Variants in GRIK3 observed in about 807,000 individuals in gnomAD.
The protein encoded by GRIK3 is glutamate receptor ionotropic, kainate 3.
A neutral mutation model predicts 102.5 loss-of-function variants in GRIK3; 29 were observed. The observed-to-expected ratio is 0.28, with a 90% CI of 0.21 to 0.39. The LOEUF is 0.39. GRIK3 is among the 10% of genes least tolerant of loss of function. The pLI is 1.00. For missense variants in GRIK3, 908 were observed against 1,252.4 expected, an observed-to-expected ratio of 0.73 and a Z score of 4.15; for synonymous variants, 511 against 504.9, an observed-to-expected ratio of 1.01 and a Z score of -0.16.
rs1490264019 is a variant in GRIK3 at position 36,850,422 on chromosome 1, A to T, written c.1215T>A (p.Val405=). The T allele has an allele frequency of 6.3e-7, 1 of 1,599,232 alleles. No individual in the cohort carries two copies. Among genetic ancestry groups the T allele is most frequent in the Non-Finnish European group, 8.6e-7 (1 of 1,166,672 alleles). Residue 405 remains valine (V), a splice_region_variant and synonymous_variant, in exon 9 of 16, where the codon GTT becomes GTA. Coordinates refer to ENST00000373091, the MANE Select transcript of GRIK3 (RefSeq NM_000831.4). This position sits in a 1 kb window ranked among gnomAD's most constrained non-coding sequence, Gnocchi z 4.0. Reference sequence around the variant, plus strand: ...GCCCGTCGGCAGGACTCCACACCCCAACCTGGATGGACACAGACAGAAAAC... The same window carrying T: ...GCCCGTCGGCAGGACTCCACACCCCTACCTGGATGGACACAGACAGAAAAC... ...ISLKEDGLEK[V]GVWSPADGLN... is the part of the protein sequence containing the mutation.
intron 9 of GRIK3, among the ~76,000 whole-genome samples, chr1:36,844,354 T>G (rs1212035188): frequency 2.0e-5 from 3 of 152,202 alleles, no homozygotes; most frequent in Admixed American, 6.5e-5. Flanking sequence ...AGAGTCCACG[T>G]GGGGCCTGGG....
At chr1:36,856,771 C>T (rs890531115) in intron 7 of GRIK3, among the ~76,000 whole-genome samples, 1 of 152,134 alleles carries the variant, frequency 6.6e-6, no homozygotes, top group African/African-American at 2.4e-5. Flanking sequence ...CTATGGTGGG[C>T]AGTGGTGAAT....
Position 36,806,103 on chromosome 1 carries a change from C to T in GRIK3, c.2314+1G>A. ...CCTCCCACAGGCAGCCCCTCGCTCA[C>T]CCATGGGCGTGCCGATGCCGTAGCC... On this transcript the variant is annotated splice_donor_variant, in intron 14 of 15. Transcript: ENST00000373091. LOFTEE classifies it high-confidence loss of function. This position sits in a 1 kb window ranked among gnomAD's most constrained non-coding sequence, Gnocchi z 4.0. 6.2e-7 allele frequency: 1 copy of T among 1,611,064 alleles called. No individual in the cohort carries two copies. Among genetic ancestry groups the T allele is most frequent in the Non-Finnish European group, 8.5e-7 (1 of 1,177,440 alleles).
intron 7 of GRIK3, among the ~76,000 whole-genome samples, chr1:36,857,095 G>T (rs530721516): frequency 1.3e-5 from 2 of 152,210 alleles, no homozygotes; most frequent in African/African-American, 4.8e-5. Context: ...GGACACTGAG[G>T]CACAGAAAGC....
chr1:36,814,251 T>C (rs1263141827), intron 13 of GRIK3, among the ~76,000 whole-genome samples: 1 of 152,108 alleles, frequency 6.6e-6, no homozygotes, highest in Non-Finnish European at 1.5e-5. Context: ...TCAGCGGCAA[T>C]GAGCCTGCAC....
chr1:36,960,807 C>T (rs930316012), intron 1 of GRIK3, among the ~76,000 whole-genome samples: 2 of 152,200 alleles, frequency 1.3e-5, no homozygotes, highest in African/African-American at 4.8e-5. Flanking sequence ...ATCCCTCCTT[C>T]CCCCACCCTG....
chr1:36,824,667 A>C (rs1387196657), intron 11 of GRIK3, among the ~76,000 whole-genome samples: 1 of 152,176 alleles, frequency 6.6e-6, no homozygotes, highest in Admixed American at 6.5e-5. Context: ...ATTTAGAGAA[A>C]AAAAAGGACC....
intron 1 of GRIK3, among the ~76,000 whole-genome samples, chr1:36,926,417 G>A (rs1641528499): frequency 6.7e-6 from 1 of 150,196 alleles, no homozygotes; most frequent in Admixed American, 6.6e-5. Context: ...TTGAGATGGA[G>A]TCTCACCCTG....
intron 1 of GRIK3, among the ~76,000 whole-genome samples, chr1:36,922,069 TG>T (rs951756741): frequency 1.3e-5 from 2 of 151,670 alleles, no homozygotes; most frequent in South Asian, 2.1e-4. Context: ...GGCTGAGAGG[TG>T]GGTGTTGGGC....
At chr1:36,807,868 C>T (rs1642517321) in intron 13 of GRIK3, among the ~76,000 whole-genome samples, 1 of 152,190 alleles carries the variant, frequency 6.6e-6, no homozygotes, top group Non-Finnish European at 1.5e-5. Context: ...AATTTACCTG[C>T]CCCAAAGCCA....
chr1:36,836,508 T>C (rs1245554424), intron 10 of GRIK3, among the ~76,000 whole-genome samples: 1 of 152,250 alleles, frequency 6.6e-6, no homozygotes, highest in Non-Finnish European at 1.5e-5. Flanking sequence ...TTGGCACTTC[T>C]AGCTGTGCCA....
chr1:36,906,440 G>C (rs965705691), intron 1 of GRIK3, among the ~76,000 whole-genome samples: 1 of 152,164 alleles, frequency 6.6e-6, no homozygotes, highest in African/African-American at 2.4e-5. Flanking sequence ...ACATGGCAAG[G>C]ACTTAATACA....
rs973423479 is a variant in GRIK3 at position 36,799,952 on chromosome 1, T to G, written c.*1899A>C. The G allele has an allele frequency of 6.6e-6, 1 of 152,152 alleles. No homozygotes were observed. The highest frequency in any genetic ancestry group is 1.5e-5 in the Non-Finnish European group (1 of 68,038). The allele number at this position is 152,152 out of a possible 1,614,324, so 9.4% of individuals were successfully genotyped here. On this transcript the variant is annotated 3_prime_UTR_variant, in exon 16 of 16. Coordinates refer to ENST00000373091, the MANE Select transcript of GRIK3 (RefSeq NM_000831.4). ...ACCCTGAAGCTTATGACAGCATGGC[T>G]TTTCCTAACATTACATGCATGGGGC...
At chr1:36,950,668 A>G (rs3767087) in intron 1 of GRIK3, among the ~76,000 whole-genome samples, 8,880 of 152,328 alleles carry the variant, frequency 0.058, 311 homozygotes, top group South Asian at 0.16. Context: ...ATCCTGCTGC[A>G]CAACTTGCTT....
chr1:36,893,289 A>G (rs1641137361), intron 1 of GRIK3, among the ~76,000 whole-genome samples: 1 of 152,226 alleles, frequency 6.6e-6, no homozygotes, highest in Non-Finnish European at 1.5e-5. Context: ...ATGTGGGAGC[A>G]TAAAGATGGA....
intron 1 of GRIK3, among the ~76,000 whole-genome samples, chr1:36,893,994 T>G (rs1641146301): frequency 6.6e-6 from 1 of 152,230 alleles, no homozygotes; most frequent in South Asian, 2.1e-4. Flanking sequence ...CAATTAAACC[T>G]TTATTATTTT....
chr1:36,952,049 T>C (rs1220086121), intron 1 of GRIK3, among the ~76,000 whole-genome samples: 1 of 151,990 alleles, frequency 6.6e-6, no homozygotes, highest in Non-Finnish European at 1.5e-5. Flanking sequence ...CTGCCCGGCT[T>C]TGCAGATGCA....
At chr1:36,856,472 C>T (rs1361051203) in intron 7 of GRIK3, among the ~76,000 whole-genome samples, 1 of 152,170 alleles carries the variant, frequency 6.6e-6, no homozygotes, top group African/African-American at 2.4e-5. Flanking sequence ...TTTCCAGCTC[C>T]TCTCGGAAAT....
chr1:36,974,837 A>G (rs1642178976), intron 1 of GRIK3, among the ~76,000 whole-genome samples: 1 of 151,874 alleles, frequency 6.6e-6, no homozygotes, highest in Non-Finnish European at 1.5e-5. Flanking sequence ...TGCCATTCTG[A>G]TACATGCTAC....
Sources: gnomAD v4.1 joint callset for allele counts (sites outside exome capture counted in the v4.1 genomes callset) on GRCh38, gnomAD v4.1.1 for gene constraint, Gnocchi (gnomAD v3.1) non-coding constraint, MANE v1.5 for transcripts, NCBI Gene and HGNC (gene_info 2026-07-23, HGNC 2026-07-21) for gene names.